Variants in PHF21A observed in about 807,000 individuals in gnomAD.
PHF21A encodes PHD finger protein 21A.
In PHF21A, 11 loss-of-function variants were observed where a neutral mutation model predicts 82.5. That is an observed-to-expected ratio of 0.13 (90% CI 0.08 to 0.22). PHF21A has a LOEUF of 0.22. Among genes scored for constraint, PHF21A ranks in the 10% least tolerant of loss-of-function variants. The probability of loss-of-function intolerance (pLI) is 1.00; values close to 1 mark genes in which losing one functional copy is unlikely to be tolerated. For synonymous variants in PHF21A, 297 were observed against 302.8 expected (o/e 0.98, Z 0.20); for missense variants, 579 against 837.8 (o/e 0.69, Z 3.81).
At chr11:46,119,356 C>A (rs1455809703) in intron 1 of PHF21A, among the ~76,000 whole-genome samples, 1 of 152,200 alleles carries the variant, frequency 6.6e-6, no homozygotes, top group African/African-American at 2.4e-5. Flanking sequence ...CCCGGACCTT[C>A]ACTCAGATTT....
intron 6 of PHF21A, among the ~76,000 whole-genome samples, chr11:46,072,856 A>G (rs2096670561): frequency 6.6e-6 from 1 of 152,206 alleles, no homozygotes; most frequent in Non-Finnish European, 1.5e-5. Context: ...CACAGTAACA[A>G]GCAACAAACT....
chr11:45,938,727 ATCTT>A (rs1388169655), intron 15 of PHF21A, among the ~76,000 whole-genome samples: 2 of 152,226 alleles, frequency 1.3e-5, no homozygotes, highest in African/African-American at 4.8e-5. Context: ...AATGAGGTCT[ATCTT>A]CTTTTTTCTT....
chr11:46,119,946 C>A (rs1180278289), intron 1 of PHF21A: 4 of 146,422 alleles, frequency 2.7e-5, no homozygotes, highest in Non-Finnish European at 6.0e-5. Context: ...CCTGTCCGCC[C>A]CGGCCCGCTC....
intron 6 of PHF21A, among the ~76,000 whole-genome samples, chr11:46,062,042 G>A (rs2096540858): frequency 6.6e-6 from 1 of 151,558 alleles, no homozygotes; most frequent in South Asian, 2.1e-4. Context: ...CTGCTGAGAA[G>A]TCTGATGACA....
intron 10 of PHF21A, among the ~76,000 whole-genome samples, chr11:45,956,391 T>C (rs1315432125): frequency 6.6e-6 from 1 of 152,192 alleles, no homozygotes; most frequent in African/African-American, 2.4e-5. Context: ...TTTGTGACAG[T>C]AACAACATAA....
At chr11:45,948,617 G>C (rs2091651836) in intron 14 of PHF21A, among the ~76,000 whole-genome samples, 3 of 152,194 alleles carry the variant, frequency 2.0e-5, no homozygotes, top group African/African-American at 7.2e-5. Flanking sequence ...TGGATGGCCT[G>C]GCAGGCTTGG....
intron 2 of PHF21A, among the ~76,000 whole-genome samples, chr11:46,091,291 T>A (rs1271421873): frequency 6.6e-6 from 1 of 152,222 alleles, no homozygotes; most frequent in African/African-American, 2.4e-5. Context: ...ATTCCAGCTA[T>A]CTTATTTGAG....
chr11:46,010,806 C>G (rs2095397056), intron 6 of PHF21A, among the ~76,000 whole-genome samples: 1 of 152,100 alleles, frequency 6.6e-6, no homozygotes, highest in African/African-American at 2.4e-5. Context: ...AACTCTACAC[C>G]CCTACCCAGT....
intron 6 of PHF21A, among the ~76,000 whole-genome samples, chr11:46,010,386 T>C (rs549202040): frequency 6.6e-6 from 1 of 152,344 alleles, no homozygotes; most frequent in Admixed American, 6.5e-5. Context: ...CTTGTGAAGA[T>C]ACTTTACAGA....
intron 6 of PHF21A, among the ~76,000 whole-genome samples, chr11:46,027,432 C>T (rs1280295125): frequency 6.6e-6 from 1 of 152,160 alleles, no homozygotes; most frequent in Non-Finnish European, 1.5e-5. Flanking sequence ...CGCAGTCAAC[C>T]AAGAAATTGC....
intron 15 of PHF21A, among the ~76,000 whole-genome samples, chr11:45,944,430 A>T (rs1030445784): frequency 7.9e-5 from 12 of 152,060 alleles, no homozygotes; most frequent in Non-Finnish European, 1.5e-5. Flanking sequence ...AGGTTTGAAA[A>T]TTTTCAAAAT....
chr11:45,953,706 G>C, intron 10 of PHF21A, 81 bp from the exon 11 acceptor site: 1 of 815,682 alleles, frequency 1.2e-6, no homozygotes, highest in Non-Finnish European at 2.1e-6. Flanking sequence ...AATAGTAGTA[G>C]TCAAGAAGAA....
intron 1 of PHF21A, among the ~76,000 whole-genome samples, chr11:46,104,179 C>T (rs1235627662): frequency 6.6e-6 from 1 of 152,156 alleles, no homozygotes; most frequent in Admixed American, 6.5e-5. Context: ...CATTTGTATG[C>T]CACTTTTATA....
chr11:46,072,340 T>C (rs967129519), intron 6 of PHF21A, among the ~76,000 whole-genome samples: 9 of 152,250 alleles, frequency 5.9e-5, no homozygotes, highest in East Asian at 3.8e-4. Flanking sequence ...ATGCAACTTC[T>C]AGTAAACATC....
intron 6 of PHF21A, among the ~76,000 whole-genome samples, chr11:46,009,069 G>C (rs540111486): frequency 1.5e-4 from 23 of 150,814 alleles, no homozygotes; most frequent in African/African-American, 5.1e-4. Context: ...CCACCCCCTG[G>C]GTTCAAGCGA....
intron 6 of PHF21A, among the ~76,000 whole-genome samples, chr11:45,981,940 CTTTTTTTT>C (rs754937092): frequency 0.016 from 1,230 of 78,386 alleles, 13 homozygotes; most frequent in African/African-American, 0.05. Context: ...TTTTGTTTTT[CTTTTTTTT>C]TTTTTTTTTT....
At chr11:45,951,807 A>ATT (rs371914854) in intron 11 of PHF21A, among the ~76,000 whole-genome samples, 1,854 of 124,330 alleles carry the variant, frequency 0.015, 30 homozygotes, top group African/African-American at 0.037. Context: ...TGTGGAATAA[A>ATT]TTTTTTTTTT....
chr11:45,964,200 A>AAATAAT (rs58644528), intron 10 of PHF21A, among the ~76,000 whole-genome samples: 3,423 of 134,582 alleles, frequency 0.025, 104 homozygotes, highest in African/African-American at 0.062. Flanking sequence ...CTCCATCTCA[A>AAATAAT]AATAATAATA....
At chr11:46,002,819 G>A (rs2095181043) in intron 6 of PHF21A, among the ~76,000 whole-genome samples, 1 of 151,542 alleles carries the variant, frequency 6.6e-6, no homozygotes, top group South Asian at 2.1e-4. Flanking sequence ...TCTTCCCCAA[G>A]GCCGAAATTT....
Sources: allele counts gnomAD v4.1 joint callset (sites outside exome capture counted in the v4.1 genomes callset), GRCh38; gene constraint gnomAD v4.1.1; transcripts MANE v1.5; gene names NCBI Gene and HGNC (gene_info 2026-07-23, HGNC 2026-07-21).